The following ABHD18 variants were observed in gnomAD, a reference collection of about 807,000 sequenced individuals.
ABHD18 encodes the protein abhydrolase domain containing 18.
A neutral mutation model predicts 65.9 loss-of-function variants in ABHD18; 55 were observed. The ratio of observed to expected loss-of-function variants is 0.84; its 90% CI spans 0.67 to 1.05. The LOEUF is 1.05. Ranked by LOEUF, ABHD18 falls within the 50% of genes least tolerant of loss-of-function variation. The pLI, the probability that ABHD18 is intolerant of heterozygous loss-of-function variation, is 0.00. For missense variants in ABHD18, 533 were observed against 558.5 expected (o/e 0.95, Z 0.46); for synonymous variants, 181 against 180.2 (o/e 1.00, Z -0.04).
chr4:127,993,579 A>G (rs557702306), intron 4 of ABHD18, among the ~76,000 whole-genome samples: 5 of 152,348 alleles, frequency 3.3e-5, no homozygotes, highest in African/African-American at 1.2e-4. Flanking sequence ...CAAATAAGAA[A>G]AAAGAAAAAA....
intron 1 of ABHD18, among the ~76,000 whole-genome samples, chr4:127,968,600 C>T (rs1369539674): frequency 2.0e-5 from 3 of 152,228 alleles, no homozygotes; most frequent in Non-Finnish European, 4.4e-5. Context: ...TGATGAGTGT[C>T]ACTTTAGCAA....
At chr4:127,983,768 G>A (rs1749466599) in intron 2 of ABHD18, among the ~76,000 whole-genome samples, 2 of 152,172 alleles carry the variant, frequency 1.3e-5, no homozygotes, top group Non-Finnish European at 2.9e-5. Context: ...AAGAGGCTGA[G>A]GCAGGAGAAT....
At chr4:127,968,392 A>G (rs1284674461) in intron 1 of ABHD18, among the ~76,000 whole-genome samples, 1 of 152,262 alleles carries the variant, frequency 6.6e-6, no homozygotes, top group Non-Finnish European at 1.5e-5. Context: ...GTGAAATTAC[A>G]AGATAAAATT....
chr4:127,982,855 T>G, intron 1 of ABHD18, 84 bp from the exon 2 acceptor site: 1 of 652,796 alleles, frequency 1.5e-6, no homozygotes, highest in Non-Finnish European at 2.5e-6. Flanking sequence ...TTTTACATGA[T>G]AGTCAAAGAA....
At chr4:128,029,345 A>C (rs1757864506) in intron 11 of ABHD18, among the ~76,000 whole-genome samples, 1 of 151,774 alleles carries the variant, frequency 6.6e-6, no homozygotes, top group Non-Finnish European at 1.5e-5. Context: ...GGGTGACAGC[A>C]AGACTCTCAC....
In ABHD18 at chr4:127,984,442, C is replaced by T; in HGVS notation, c.177+19C>T. ...TGATAAGGTATTCAAATGAGAGAAACACAGTTATAGGAATTGTGGTTTGAC... is the reference window on the plus strand; with the variant it reads ...TGATAAGGTATTCAAATGAGAGAAATACAGTTATAGGAATTGTGGTTTGAC... On this transcript the variant is annotated intron_variant, in intron 3 of 12. Transcript: ENST00000645843. 7.1e-7 allele frequency: 1 copy of T among 1,409,848 alleles called. No homozygotes were observed. Among genetic ancestry groups the T allele is most frequent in the East Asian group, 2.5e-5 (1 of 39,658 alleles). 87.3% of individuals were successfully genotyped at this position (1,409,848 alleles called of 1,614,324 possible).
Position 128,039,085 on chromosome 4 carries a change from C to T in ABHD18, c.*3272C>T, listed in dbSNP as rs867388784. ...CGTTTTATATATATATACACACACA[C>T]GTATGTGTGTATATATATGTATGTA... On this transcript the variant is annotated 3_prime_UTR_variant, in exon 13 of 13. Coordinates refer to ENST00000645843, the MANE Select transcript of ABHD18 (RefSeq NM_001358451.3). 3 of 137,434 alleles carry T rather than the reference C, an allele frequency of 2.2e-5. No individual in the cohort carries two copies. Among genetic ancestry groups the T allele is most frequent in the East Asian group, 3.2e-4 (1 of 3,144 alleles). 8.5% of individuals were successfully genotyped at this position (137,434 alleles called of 1,614,324 possible). A position where few individuals can be genotyped will look rare whatever the true frequency, so the allele number is the denominator to read the frequency against.
chr4:127,980,022 GTTACA>G (rs1453293153), intron 1 of ABHD18, among the ~76,000 whole-genome samples: 1 of 151,636 alleles, frequency 6.6e-6, no homozygotes, highest in Non-Finnish European at 1.5e-5. Flanking sequence ...CCAAAAATGT[GTTACA>G]TTACTTTAGT....
chr4:127,982,868 G>T (rs1749299540), intron 1 of ABHD18, 71 bp from the exon 2 acceptor site: 2 of 732,496 alleles, frequency 2.7e-6, no homozygotes, highest in Admixed American at 3.3e-5. Flanking sequence ...TCAAAGAAAT[G>T]GTTAGAAAAT....
chr4:128,010,783 C>T (rs1442346479), intron 6 of ABHD18, among the ~76,000 whole-genome samples: 6 of 151,208 alleles, frequency 4.0e-5, no homozygotes, highest in Non-Finnish European at 8.8e-5. Flanking sequence ...GGCGTGGTGG[C>T]GTGTGCCTGT....
At chr4:127,966,821 G>T (rs1424245807) in intron 1 of ABHD18, among the ~76,000 whole-genome samples, 2 of 148,004 alleles carry the variant, frequency 1.4e-5, no homozygotes, top group African/African-American at 5.0e-5. Context: ...GGAGGCGGAG[G>T]CTGCAGTGAG....
intron 12 of ABHD18, among the ~76,000 whole-genome samples, chr4:128,033,062 G>C (rs1758432069): frequency 6.6e-6 from 1 of 152,020 alleles, no homozygotes; most frequent in Non-Finnish European, 1.5e-5. Flanking sequence ...GACCATCCTG[G>C]CTAACATGGT....
At chr4:128,029,595 G>A (rs559189362) in intron 11 of ABHD18, among the ~76,000 whole-genome samples, 83 of 152,276 alleles carry the variant, frequency 5.5e-4, no homozygotes, top group African/African-American at 1.9e-3. Context: ...AGGCCAAGGC[G>A]GGTGGATCAC....
intron 1 of ABHD18, among the ~76,000 whole-genome samples, chr4:127,973,791 G>A (rs1747317640): frequency 7.4e-6 from 1 of 134,972 alleles, no homozygotes. Flanking sequence ...TCCAGGAGCA[G>A]AGGCTGGCCT....
intron 4 of ABHD18, among the ~76,000 whole-genome samples, chr4:128,001,271 G>C (rs1395044233): frequency 6.6e-6 from 1 of 152,110 alleles, no homozygotes. Context: ...TTGGCTGTGG[G>C]TTTGTCATAG....
chr4:128,035,064 T>C (rs1758726393), intron 12 of ABHD18, among the ~76,000 whole-genome samples: 1 of 152,220 alleles, frequency 6.6e-6, no homozygotes, highest in South Asian at 2.1e-4. Flanking sequence ...GAAAAACATC[T>C]ATATCATAAT....
At chr4:128,029,536 CT>C (rs1757909792) in intron 11 of ABHD18, among the ~76,000 whole-genome samples, 2 of 151,980 alleles carry the variant, frequency 1.3e-5, no homozygotes, top group South Asian at 4.2e-4. Flanking sequence ...TAAAAATTAG[CT>C]GGGTGGCCGG....
At chr4:128,031,758 C>T (rs907971787) in intron 12 of ABHD18, among the ~76,000 whole-genome samples, 1 of 152,090 alleles carries the variant, frequency 6.6e-6, no homozygotes, top group South Asian at 2.1e-4. Context: ...AGAAATAAAC[C>T]AATTGTTCAA....
chr4:128,039,177 AT>A lies in ABHD18; in HGVS notation c.*3365del, dbSNP rs1759147939. On this transcript the variant is annotated 3_prime_UTR_variant, in exon 13 of 13. Coordinates refer to ENST00000645843, the MANE Select transcript of ABHD18 (RefSeq NM_001358451.3). ...TATATATATATATATATATATATAT[AT>A]ATATATAATCTCAAAGAAGTGCGGT... 7.5e-6 allele frequency: 1 copy of A among 134,202 alleles called. No homozygotes were observed. Among genetic ancestry groups the A allele is most frequent in the African/African-American group, 2.9e-5 (1 of 34,084 alleles). The allele number at this position is 134,202 out of a possible 1,614,324, so 8.3% of individuals were successfully genotyped here.
Sources: allele counts gnomAD v4.1 joint callset (sites outside exome capture counted in the v4.1 genomes callset), GRCh38; gene constraint gnomAD v4.1.1; transcripts MANE v1.5; gene names NCBI Gene and HGNC (gene_info 2026-07-23, HGNC 2026-07-21).